ATPAF1: variants seen among roughly 807,000 people sequenced by gnomAD.
ATPAF1 encodes ATP synthase mitochondrial F1 complex assembly factor 1, also known as homolog of yeast ATP11.
ATPAF1 carries 26 observed loss-of-function variants against 43.9 expected under a neutral mutation model. The observed-to-expected ratio is 0.59, with a 90% confidence interval of 0.43 to 0.82. The LOEUF (loss-of-function observed/expected upper bound fraction) is 0.82. Among genes scored for constraint, ATPAF1 ranks in the 40% least tolerant of loss-of-function variants. The pLI is 0.00. For missense variants in ATPAF1, 366 were observed against 435.0 expected (o/e 0.84, Z 1.41); for synonymous variants, 157 against 168.0 (o/e 0.93, Z 0.50).
intron 3 of ATPAF1, 94 bp downstream of exon 3, chr1:46,658,593 G>A (rs1676321979): frequency 3.4e-6 from 3 of 893,336 alleles, no homozygotes; most frequent in Non-Finnish European, 3.4e-6. Context: ...CAAAATCACT[G>A]AGCCACAGTA....
rs1409742028 is a variant in ATPAF1, at chr1:46,653,877, A to C, written c.490-10T>G. On this transcript the variant is annotated splice_polypyrimidine_tract_variant and intron_variant, in intron 4 of 8. Coordinates refer to ENST00000574428, the Ensembl canonical transcript of ATPAF1. The surrounding 1 kb of genome is among the most constrained non-coding windows in gnomAD (Gnocchi z 4.8). ...AATATTGCTGCCAAATCTGTACAAAAAAGAGAGGGGTGTCTGTGACATGTG... is the reference window on the plus strand; with the variant it reads ...AATATTGCTGCCAAATCTGTACAAACAAGAGAGGGGTGTCTGTGACATGTG... 6.2e-7 allele frequency: 1 copy of C among 1,609,936 alleles called. No homozygotes were observed.
At chr1:46,657,367 G>A (rs1300802248) in intron 4 of ATPAF1, among the ~76,000 whole-genome samples, 1 of 152,130 alleles carries the variant, frequency 6.6e-6, no homozygotes, top group East Asian at 1.9e-4. Context: ...TAGCTCATGA[G>A]TGCTTTGAAG....
intron 8 of ATPAF1, among the ~76,000 whole-genome samples, chr1:46,637,936 A>G (rs1418071732): frequency 6.6e-6 from 1 of 152,162 alleles, no homozygotes; most frequent in Non-Finnish European, 1.5e-5. Flanking sequence ...ATTCCCCCCA[A>G]TTCATCCTTC....
At chr1:46,649,455 C>T (rs1292611661) in intron 6 of ATPAF1, among the ~76,000 whole-genome samples, 2 of 152,182 alleles carry the variant, frequency 1.3e-5, no homozygotes, top group African/African-American at 4.8e-5. Context: ...GTCTTGAAAT[C>T]AGGAAATGTA....
chr1:46,636,295 G>A (rs1004200759), intron 8 of ATPAF1, among the ~76,000 whole-genome samples: 3 of 152,154 alleles, frequency 2.0e-5, no homozygotes, highest in Non-Finnish European at 4.4e-5. Context: ...AATGTTTACT[G>A]AATAAATTAA....
At chr1:46,650,788 CAT>C (rs1676149728) in intron 6 of ATPAF1, among the ~76,000 whole-genome samples, 1 of 149,996 alleles carries the variant, frequency 6.7e-6, no homozygotes, top group South Asian at 2.1e-4. Context: ...ACAAATACCA[CAT>C]GTTCTCACAT....
chr1:46,656,620 T>C (rs1676278371), intron 4 of ATPAF1, among the ~76,000 whole-genome samples: 1 of 152,236 alleles, frequency 6.6e-6, no homozygotes, highest in African/African-American at 2.4e-5. Context: ...GACTGATATA[T>C]GTTTCCTTAT....
At position 46,668,112 on chromosome 1, in the gene ATPAF1, GCTCGGC is replaced by G; in HGVS notation, c.205_210del (p.Ala69_Glu70del). ...CGGTCGTAGAAAGGGTTGGCCTGGA[GCTCGGC>G]CTCGGCCCCGACCCCGCTGCTGTCG... On this transcript the variant is annotated inframe_deletion, in exon 1 of 9. Coordinates refer to ENST00000574428, the Ensembl canonical transcript of ATPAF1. The surrounding 1 kb of genome is among the most constrained non-coding windows in gnomAD (Gnocchi z 4.4). 1 of 1,446,410 alleles carries G rather than the reference GCTCGGC, an allele frequency of 6.9e-7. No individual in the cohort carries two copies. Among genetic ancestry groups the G allele is most frequent in the Non-Finnish European group, 9.1e-7 (1 of 1,097,834 alleles). The allele number at this position is 1,446,410 out of a possible 1,614,324, so 89.6% of individuals were successfully genotyped here. A position where few individuals can be genotyped will look rare whatever the true frequency, so the allele number is the denominator to read the frequency against.
chr1:46,636,126 T>G, intron 8 of ATPAF1, 156 bp from the exon 9 acceptor site: 1 of 759,924 alleles, frequency 1.3e-6, no homozygotes, highest in Non-Finnish European at 2.3e-6. Flanking sequence ...AGGTGCCCCT[T>G]CTCTGTGTAC....
chr1:46,649,373 C>T (rs1676121224), intron 6 of ATPAF1, among the ~76,000 whole-genome samples: 1 of 152,150 alleles, frequency 6.6e-6, no homozygotes, highest in South Asian at 2.1e-4. Flanking sequence ...GGACTCTACT[C>T]TGTTCCATTA....
intron 2 of ATPAF1, chr1:46,664,917 T>TC (rs1423611236): frequency 4.5e-6 from 1 of 224,036 alleles, no homozygotes; most frequent in African/African-American, 2.3e-5. Context: ...TTAATTTAAA[T>TC]CCCCCACAAC....
intron 8 of ATPAF1, among the ~76,000 whole-genome samples, chr1:46,638,978 A>G (rs1675897547): frequency 6.6e-6 from 1 of 152,146 alleles, no homozygotes; most frequent in Admixed American, 6.5e-5. Flanking sequence ...CCATCTCTAT[A>G]CCACTGCTGT....
At chr1:46,654,437 C>T (rs1041605071) in intron 4 of ATPAF1, among the ~76,000 whole-genome samples, 1 of 151,996 alleles carries the variant, frequency 6.6e-6, no homozygotes, top group African/African-American at 2.4e-5. Flanking sequence ...ATAAACACTA[C>T]AAATAATGTT....
chr1:46,652,852 T>C (rs1284846780), intron 5 of ATPAF1, among the ~76,000 whole-genome samples: 16 of 152,148 alleles, frequency 1.1e-4, no homozygotes, highest in Non-Finnish European at 1.9e-4. Context: ...GGTGCACCAA[T>C]GCTCCAGGGA....
At chr1:46,639,239 C>CACAA (rs1315462730) in intron 8 of ATPAF1, among the ~76,000 whole-genome samples, 2 of 151,652 alleles carry the variant, frequency 1.3e-5, no homozygotes, top group Non-Finnish European at 2.9e-5. Context: ...CACACATACA[C>CACAA]ACACACACAC....
Position 46,635,742 on chromosome 1 carries a change from G to A in ATPAF1, c.*34C>T, listed in dbSNP as rs1675824984. 3 of 1,585,762 alleles carry A rather than the reference G, an allele frequency of 1.9e-6. No individual in the cohort carries two copies. In the South Asian group the frequency reaches 3.4e-5, roughly 18 times the overall value. ...GGTGGGCTCTAGACTATCGAGGGCT[G>A]AGTCAACTAGGTGAAGGGCCAACCT... On this transcript the variant is annotated 3_prime_UTR_variant, in exon 9 of 9. Coordinates refer to ENST00000574428, the Ensembl canonical transcript of ATPAF1.
rs201696890 is a variant in ATPAF1, at chr1:46,658,237, A to G, written c.427-48T>C. On this transcript the variant is annotated intron_variant, in intron 3 of 8. Transcript: ENST00000574428. ...AATTAACACATAATTAAAAAAAAAA[A>G]AAAACAGCTTAACTCTATCTCTAAG... The G allele has an allele frequency of 2.1e-5, 30 of 1,423,590 alleles. No individual in the cohort carries two copies. In the Admixed American group the frequency reaches 3.0e-4, roughly 14 times the overall value. 88.2% of individuals were successfully genotyped at this position (1,423,590 alleles called of 1,614,324 possible).
intron 2 of ATPAF1, chr1:46,664,630 T>C (rs1444343864): frequency 6.6e-6 from 1 of 152,350 alleles, no homozygotes; most frequent in Non-Finnish European, 1.5e-5. Flanking sequence ...TTCCTCAACA[T>C]GGGAATGGAT....
chr1:46,647,188 A>C (rs181554446), intron 6 of ATPAF1, among the ~76,000 whole-genome samples: 4 of 152,296 alleles, frequency 2.6e-5, no homozygotes, highest in Admixed American at 2.0e-4. Context: ...GACTGTATCC[A>C]CCTACACATT....
Sources: allele counts gnomAD v4.1 joint callset (sites outside exome capture counted in the v4.1 genomes callset), GRCh38; gene constraint gnomAD v4.1.1; non-coding constraint Gnocchi (gnomAD v3.1); transcripts MANE v1.5; gene names NCBI Gene and HGNC (gene_info 2026-07-23, HGNC 2026-07-21).